ZYG11B: variants seen among roughly 807,000 people sequenced by gnomAD.
The protein encoded by ZYG11B is protein zyg-11 homolog B.
A neutral mutation model predicts 82.4 loss-of-function variants in ZYG11B; 36 were observed. The observed-to-expected ratio is 0.44, with a 90% CI of 0.33 to 0.58. ZYG11B has a LOEUF of 0.58. ZYG11B is among the 20% of genes least tolerant of loss of function. The pLI is 0.02. For synonymous variants in ZYG11B, 303 were observed against 312.8 expected (o/e 0.97, Z 0.33); for missense variants, 552 against 895.6 (o/e 0.62, Z 4.90).
intron 4 of ZYG11B, 34 bp from the exon 5 acceptor site, chr1:52,784,843 A>G (rs749020997): frequency 1.7e-5 from 27 of 1,598,510 alleles, no homozygotes; most frequent in Non-Finnish European, 2.3e-5. Context: ...TGTATTTATA[A>G]GGTGAATTAA....
intron 12 of ZYG11B, among the ~76,000 whole-genome samples, chr1:52,814,810 G>C (rs564309857): frequency 5.7e-4 from 87 of 152,256 alleles, no homozygotes; most frequent in African/African-American, 2.0e-3. Flanking sequence ...AAAAAGCATC[G>C]TATTAATGTA....
chr1:52,732,104 A>C (rs1038865211), intron 1 of ZYG11B, among the ~76,000 whole-genome samples: 1 of 152,192 alleles, frequency 6.6e-6, no homozygotes, highest in African/African-American at 2.4e-5. Flanking sequence ...TGCCCAGCCT[A>C]TTTTTTTCTT....
chr1:52,774,625 T>TTTC (rs1437665178), intron 3 of ZYG11B, among the ~76,000 whole-genome samples: 2 of 117,446 alleles, frequency 1.7e-5, no homozygotes, highest in African/African-American at 5.3e-5. Flanking sequence ...TTTTTTTTTT[T>TTTC]TTTTTTTTTT....
chr1:52,792,893 T>C (rs1274199359), intron 6 of ZYG11B, among the ~76,000 whole-genome samples: 1 of 152,112 alleles, frequency 6.6e-6, no homozygotes, highest in South Asian at 2.1e-4. Flanking sequence ...CAGGCTAGAG[T>C]GCAATAGCAA....
chr1:52,815,751 GGTGAAACCCC>G (rs1645218189), intron 12 of ZYG11B, among the ~76,000 whole-genome samples: 4 of 152,104 alleles, frequency 2.6e-5, no homozygotes, highest in Middle Eastern at 6.8e-3. Flanking sequence ...TGGCTAACGT[GGTGAAACCCC>G]GTCTCTACTA....
At chr1:52,772,798 C>A (rs1644766639) in intron 3 of ZYG11B, 1 of 554,618 alleles carries the variant, frequency 1.8e-6, no homozygotes, top group Non-Finnish European at 3.2e-6. Context: ...CTGCCTCAGT[C>A]CCCTGAGTAA....
intron 1 of ZYG11B, among the ~76,000 whole-genome samples, chr1:52,751,259 G>A (rs1029563120): frequency 6.6e-6 from 1 of 150,570 alleles, no homozygotes; most frequent in African/African-American, 2.4e-5. Context: ...GAGCCATCAC[G>A]CCCACCCCAT....
intron 2 of ZYG11B, among the ~76,000 whole-genome samples, chr1:52,763,987 A>G (rs1644658762): frequency 6.6e-6 from 1 of 152,212 alleles, no homozygotes; most frequent in Non-Finnish European, 1.5e-5. Context: ...ATTGCTGGTC[A>G]CTTCAGCTGT....
chr1:52,759,157 C>G (rs2149931494), intron 2 of ZYG11B, among the ~76,000 whole-genome samples: 1 of 152,206 alleles, frequency 6.6e-6, no homozygotes, highest in Non-Finnish European at 1.5e-5. Context: ...ATCTTGAACT[C>G]CTGACCTCAA....
In ZYG11B at chr1:52,771,911, C is replaced by T; in HGVS notation, c.951+137C>T. 1 of 1,086,320 alleles carries T rather than the reference C, an allele frequency of 9.2e-7. No individual in the cohort carries two copies. Among genetic ancestry groups the T allele is most frequent in the South Asian group, 1.6e-5 (1 of 61,026 alleles). The allele number at this position is 1,086,320 out of a possible 1,614,324, so 67.3% of individuals were successfully genotyped here. Reference sequence around the variant, plus strand: ...TGCATATAGTTGAAAGGCTTAGAGTCCTAATTAAAATCTCAGCTTCATGAC... The same window carrying T: ...TGCATATAGTTGAAAGGCTTAGAGTTCTAATTAAAATCTCAGCTTCATGAC... On this transcript the variant is annotated intron_variant, in intron 3 of 13. Transcript: ENST00000294353. The surrounding 1 kb of genome is among the most constrained non-coding windows in gnomAD (Gnocchi z 5.4).
chr1:52,803,133 TACACACATATATATATATATACAC>T lies in ZYG11B; in HGVS notation c.1695+996_1695+1019del, dbSNP rs1558140181. Among the ~76,000 whole-genome samples, 46 of 65,306 alleles carry T rather than the reference TACACACATATATATATATATACAC, an allele frequency of 7.0e-4. 1 individual carries two copies. The highest frequency in any genetic ancestry group is 3.9e-3 in the African/African-American group (35 of 8,920). 42.8% of individuals were successfully genotyped at this position (65,306 alleles called of 152,430 possible). ...ATATATATATACACACATATATATA[TACACACATATATATATATATACAC>T]ATATATATATACACACATATATATA... On this transcript the variant is annotated intron_variant, in intron 10 of 13. Transcript: ENST00000294353.
In ZYG11B at chr1:52,746,526, A is replaced by G. The variant is rs999276904; in HGVS notation, c.31-9932A>G. 4.6e-5 allele frequency among the ~76,000 whole-genome samples: 7 copies of G among 151,934 alleles called. No homozygotes were observed. In the East Asian group the frequency reaches 1.4e-3, roughly 29 times the overall value. ...TTCAAATTAGGAGAGTGATAAAGGGACTTCCCTAGTTTCTGAAAAATTGTG... is the reference window on the plus strand; with the variant it reads ...TTCAAATTAGGAGAGTGATAAAGGGGCTTCCCTAGTTTCTGAAAAATTGTG... On this transcript the variant is annotated intron_variant, in intron 1 of 13. Transcript: ENST00000294353.
Position 52,822,566 on chromosome 1 carries a change from T to C in ZYG11B, c.*937T>C, listed in dbSNP as rs1158496498. On this transcript the variant is annotated 3_prime_UTR_variant, in exon 14 of 14. Transcript: ENST00000294353. ...TGGAATAGAGACAGCAACATGGTGT[T>C]AACCTCTCAATTAAAATACAATTGA... 2 of 152,246 alleles carry C rather than the reference T, an allele frequency of 1.3e-5. No individual in the cohort carries two copies. Among genetic ancestry groups the C allele is most frequent in the African/African-American group, 4.8e-5 (2 of 41,464 alleles). 9.4% of individuals were successfully genotyped at this position (152,246 alleles called of 1,614,324 possible).
rs1645297769 is a variant in ZYG11B, at chr1:52,823,428, G to A, written c.*1799G>A. 6.6e-6 allele frequency: 1 copy of A among 151,760 alleles called. No individual in the cohort carries two copies. Among genetic ancestry groups the A allele is most frequent in the African/African-American group, 2.4e-5 (1 of 41,316 alleles). The allele number at this position is 151,760 out of a possible 1,614,324, so 9.4% of individuals were successfully genotyped here. On this transcript the variant is annotated 3_prime_UTR_variant, in exon 14 of 14. Coordinates refer to ENST00000294353, the MANE Select transcript of ZYG11B (RefSeq NM_024646.3). Reference sequence around the variant, plus strand: ...CCATATTAAATGCTGGGTTAATGCTGACTTAATTGGCTTAAGGAATTTTTA... The same window carrying A: ...CCATATTAAATGCTGGGTTAATGCTAACTTAATTGGCTTAAGGAATTTTTA...
At chr1:52,746,897 G>C (rs570222302) in intron 1 of ZYG11B, among the ~76,000 whole-genome samples, 1 of 148,456 alleles carries the variant, frequency 6.7e-6, no homozygotes, top group African/African-American at 2.5e-5. Flanking sequence ...TTTTTGGCGG[G>C]TAAGGTCTTT....
Position 52,776,229 on chromosome 1 carries a change from A to AATATATATATATAT in ZYG11B, c.952-3621_952-3608dup, listed in dbSNP as rs1293809937. On this transcript the variant is annotated intron_variant, in intron 3 of 13. Transcript: ENST00000294353. Reference sequence around the variant, plus strand: ...AGCAAAACTCTGTCTTAAAAAAAAAAATATATATATATATATGCAATAAAG... The same window carrying AATATATATATATAT: ...AGCAAAACTCTGTCTTAAAAAAAAAAATATATATATATATATATATATATATATATGCAATAAAG... Among the ~76,000 whole-genome samples, 24 of 23,506 alleles carry AATATATATATATAT rather than the reference A, an allele frequency of 1.0e-3. 5 individuals carry two copies. The highest frequency in any genetic ancestry group is 9.5e-3 in the South Asian group (4 of 422). The allele number at this position is 23,506 out of a possible 152,430, so 15.4% of individuals were successfully genotyped here. A position where few individuals can be genotyped will look rare whatever the true frequency, so the allele number is the denominator to read the frequency against.
chr1:52,726,569 C>G lies in ZYG11B; in HGVS notation c.-85C>G. The G allele has an allele frequency of 7.7e-7, 1 of 1,296,646 alleles. No homozygotes were observed. The highest frequency in any genetic ancestry group is 2.0e-5 in the South Asian group (1 of 50,274). The allele number at this position is 1,296,646 out of a possible 1,614,324, so 80.3% of individuals were successfully genotyped here. A position where few individuals can be genotyped will look rare whatever the true frequency, so the allele number is the denominator to read the frequency against. ...GGGCCAAGCCCGGAGCCGCCGCTCGCCGGAGCCTCCTGGAGCCTCCGCGCC... is the reference window on the plus strand; with the variant it reads ...GGGCCAAGCCCGGAGCCGCCGCTCGGCGGAGCCTCCTGGAGCCTCCGCGCC... On this transcript the variant is annotated 5_prime_UTR_variant, in exon 1 of 14. Transcript: ENST00000294353.
Position 52,772,556 on chromosome 1 carries a change from GT to G in ZYG11B, c.951+783del, listed in dbSNP as rs1644761803. On this transcript the variant is annotated intron_variant, in intron 3 of 13. Coordinates refer to ENST00000294353, the MANE Select transcript of ZYG11B (RefSeq NM_024646.3). ...GTTTGTAAATCTGCTCCTTCACGTCGTCAGATGTCAACTTCAACCAAGTGGG... is the reference window on the plus strand; with the variant it reads ...GTTTGTAAATCTGCTCCTTCACGTCGCAGATGTCAACTTCAACCAAGTGGG... 20 of 1,607,830 alleles carry G rather than the reference GT, an allele frequency of 1.2e-5. No homozygotes were observed. The South Asian group carries it at 1.9e-4, about 15-fold the overall frequency.
At chr1:52,733,035 C>G (rs1441412378) in intron 1 of ZYG11B, among the ~76,000 whole-genome samples, 2 of 152,056 alleles carry the variant, frequency 1.3e-5, no homozygotes, top group East Asian at 3.9e-4. Context: ...AAAGCTCATG[C>G]GTGGAAGCAA....
Sources: gnomAD v4.1 joint callset for allele counts (sites outside exome capture counted in the v4.1 genomes callset) on GRCh38, gnomAD v4.1.1 for gene constraint, Gnocchi (gnomAD v3.1) non-coding constraint, MANE v1.5 for transcripts, NCBI Gene and HGNC (gene_info 2026-07-23, HGNC 2026-07-21) for gene names.